CNTNAP4: variants seen among roughly 807,000 people sequenced by gnomAD.
CNTNAP4 encodes contactin-associated protein-like 4.
CNTNAP4 carries 98 observed loss-of-function variants against 148.4 expected under a neutral mutation model. That is an observed-to-expected ratio of 0.66 (90% CI 0.56 to 0.78). CNTNAP4 has a LOEUF of 0.78. Among genes scored for constraint, CNTNAP4 ranks in the 30% least tolerant of loss-of-function variants. The pLI is 0.00. For synonymous variants in CNTNAP4, 730 were observed against 565.1 expected (o/e 1.29, Z -4.14); for missense variants, 1,935 against 1,565.6 (o/e 1.24, Z -3.98).
intron 23 of CNTNAP4, among the ~76,000 whole-genome samples, chr16:76,554,972 TC>T (rs1477699227): frequency 6.6e-6 from 1 of 151,688 alleles, no homozygotes. Context: ...TTTATTCATA[TC>T]ATATATGAAT....
At chr16:76,438,343 G>A (rs1309201533) in intron 4 of CNTNAP4, among the ~76,000 whole-genome samples, 2 of 152,108 alleles carry the variant, frequency 1.3e-5, no homozygotes, top group Admixed American at 1.3e-4. Context: ...TATCTACGTA[G>A]GGCTGGAAGG....
At chr16:76,473,863 T>TG (rs1390492431) in intron 10 of CNTNAP4, among the ~76,000 whole-genome samples, 5,535 of 23,978 alleles carry the variant, frequency 0.23, 248 homozygotes, top group South Asian at 0.44. Context: ...TTTGTTTTGT[T>TG]TTGTTTTGTT....
intron 3 of CNTNAP4, among the ~76,000 whole-genome samples, chr16:76,426,706 C>G (rs1368613711): frequency 6.6e-6 from 1 of 152,210 alleles, no homozygotes; most frequent in African/African-American, 2.4e-5. Flanking sequence ...GCAATGGTTG[C>G]AAACACTGGA....
chr16:76,480,583 C>T (rs928302907), intron 12 of CNTNAP4, among the ~76,000 whole-genome samples: 2 of 151,900 alleles, frequency 1.3e-5, no homozygotes, highest in Non-Finnish European at 2.9e-5. Flanking sequence ...CCTAAAAATA[C>T]AAAAATTAGC....
chr16:76,289,528 A>ATTT (rs5817978), intron 1 of CNTNAP4, among the ~76,000 whole-genome samples: 5,134 of 141,936 alleles, frequency 0.036, 311 homozygotes, highest in African/African-American at 0.12. Flanking sequence ...TGCCTTTAGC[A>ATTT]TTTTTTTTTT....
chr16:76,398,896 C>T (rs1156635212), intron 3 of CNTNAP4, among the ~76,000 whole-genome samples: 1 of 151,846 alleles, frequency 6.6e-6, no homozygotes, highest in Non-Finnish European at 1.5e-5. Context: ...GTGTCCTCAC[C>T]CAAATCTCAC....
At chr16:76,383,190 A>G (rs2016165655) in intron 3 of CNTNAP4, among the ~76,000 whole-genome samples, 1 of 151,860 alleles carries the variant, frequency 6.6e-6, no homozygotes, top group Admixed American at 6.6e-5. Flanking sequence ...TTTTGGAAGC[A>G]CTCCAGGTCA....
At chr16:76,395,771 C>G (rs2078181469) in intron 3 of CNTNAP4, among the ~76,000 whole-genome samples, 1 of 151,512 alleles carries the variant, frequency 6.6e-6, no homozygotes, top group East Asian at 2.0e-4. Flanking sequence ...CTCTGTCGCT[C>G]AGGCTGGAGT....
rs532731685 is a variant in CNTNAP4, at chr16:76,359,621, T to C, written c.390+4110T>C. Among the ~76,000 whole-genome samples the C allele has an allele frequency of 4.0e-4, 61 of 152,252 alleles. 1 individual carries two copies. The South Asian group carries it at 0.013, about 32-fold the overall frequency. On this transcript the variant is annotated intron_variant, in intron 3 of 23. Transcript: ENST00000611870. ...ATAGATATGTGATATTTTAAAATAT[T>C]ACACATTGGAATATTTCTTCAGTGA...
At chr16:76,459,045 C>T (rs980325186) in intron 8 of CNTNAP4, among the ~76,000 whole-genome samples, 2 of 152,006 alleles carry the variant, frequency 1.3e-5, no homozygotes, top group Non-Finnish European at 2.9e-5. Flanking sequence ...TGTTCATCCC[C>T]ACAGATAGTT....
chr16:76,504,095 C>A lies in CNTNAP4; in HGVS notation c.2365+5401C>A, dbSNP rs367608182. 2.2e-4 allele frequency among the ~76,000 whole-genome samples: 33 copies of A among 151,978 alleles called. No homozygotes were observed. In the South Asian group the frequency reaches 6.8e-3, roughly 32 times the overall value. ...TGGGAGGGGAGTAGAAATTGGAAAG[C>A]TTATCTTTAAATGTATATTGAAATG... On this transcript the variant is annotated intron_variant, in intron 15 of 23. Transcript: ENST00000611870.
chr16:76,382,492 TA>T (rs1471892499), intron 3 of CNTNAP4, among the ~76,000 whole-genome samples: 1 of 152,158 alleles, frequency 6.6e-6, no homozygotes, highest in Non-Finnish European at 1.5e-5. Flanking sequence ...ATAAAGCAGT[TA>T]TGTGATTATA....
chr16:76,516,315 G>T (rs531592409), intron 15 of CNTNAP4, among the ~76,000 whole-genome samples: 2 of 151,116 alleles, frequency 1.3e-5, no homozygotes, highest in African/African-American at 4.9e-5. Context: ...GTGTAGATGC[G>T]CCACATTTTC....
chr16:76,328,246 T>C (rs1302330176), intron 2 of CNTNAP4, among the ~76,000 whole-genome samples: 5 of 152,196 alleles, frequency 3.3e-5, no homozygotes, highest in Admixed American at 2.0e-4. Context: ...ATTGATAGTA[T>C]GTACCCTTGA....
intron 2 of CNTNAP4, among the ~76,000 whole-genome samples, chr16:76,350,149 TG>T (rs1411580928): frequency 5.9e-5 from 9 of 152,208 alleles, no homozygotes; most frequent in Admixed American, 4.6e-4. Flanking sequence ...AACATATTCT[TG>T]GGATAAAATA....
At chr16:76,417,994 T>C (rs1036678325) in intron 3 of CNTNAP4, among the ~76,000 whole-genome samples, 13 of 151,840 alleles carry the variant, frequency 8.6e-5, no homozygotes, top group African/African-American at 2.2e-4. Flanking sequence ...ATCAGTAATA[T>C]AGCTACCTTT....
At chr16:76,347,352 T>C (rs564259294) in intron 2 of CNTNAP4, among the ~76,000 whole-genome samples, 1 of 152,286 alleles carries the variant, frequency 6.6e-6, no homozygotes, top group East Asian at 1.9e-4. Context: ...TAAATACTTT[T>C]TTAAGCACCT....
chr16:76,465,764 A>G (rs1280718190), intron 9 of CNTNAP4, among the ~76,000 whole-genome samples: 1 of 152,198 alleles, frequency 6.6e-6, no homozygotes, highest in African/African-American at 2.4e-5. Flanking sequence ...TGTACAATAA[A>G]TTAACACTCA....
intron 3 of CNTNAP4, among the ~76,000 whole-genome samples, chr16:76,415,371 A>G (rs2144949212): frequency 6.6e-6 from 1 of 151,348 alleles, no homozygotes; most frequent in African/African-American, 2.4e-5. Flanking sequence ...ACTTAAAATG[A>G]GCATATCTAA....
Sources: gnomAD v4.1 joint callset for allele counts (sites outside exome capture counted in the v4.1 genomes callset) on GRCh38, gnomAD v4.1.1 for gene constraint, MANE v1.5 for transcripts, NCBI Gene and HGNC (gene_info 2026-07-23, HGNC 2026-07-21) for gene names.